Variants in WDR7 observed in about 807,000 individuals in gnomAD.
The protein encoded by WDR7 is WD repeat domain 7, also known as WD repeat-containing protein 7.
In WDR7, 46 loss-of-function variants were observed where a neutral mutation model predicts 169.4. The ratio of observed to expected loss-of-function variants is 0.27; its 90% CI spans 0.21 to 0.35. WDR7 has a LOEUF of 0.35. WDR7 is among the 10% of genes least tolerant of loss of function. The pLI is 1.00. For synonymous variants in WDR7, 612 were observed against 666.8 expected (o/e 0.92, Z 1.27); for missense variants, 1,534 against 1,859.3 (o/e 0.83, Z 3.22).
chr18:56,780,276 T>C (rs548341680), intron 18 of WDR7, among the ~76,000 whole-genome samples: 2 of 144,514 alleles, frequency 1.4e-5, no homozygotes, highest in South Asian at 4.2e-4. Flanking sequence ...ATTTTCCTTA[T>C]TATGGCATTC....
intron 4 of WDR7, 93 bp downstream of exon 4, chr18:56,681,484 A>G: frequency 1.3e-6 from 1 of 798,090 alleles, no homozygotes; most frequent in Non-Finnish European, 1.8e-6. Flanking sequence ...TTTTATATGA[A>G]AAATGGTGGG....
rs139831740 is a variant in WDR7 at position 56,689,657 on chromosome 18, G to A, written c.718-1559G>A. On this transcript the variant is annotated intron_variant, in intron 7 of 27. Transcript: ENST00000254442. ...TCCAATTTTATTTTTATGTCAGATG[G>A]ACCCCCCCAGTTCCTGATGCCATTT... Among the ~76,000 whole-genome samples the A allele has an allele frequency of 1.1e-3, 173 of 152,204 alleles. 1 individual carries two copies. Among genetic ancestry groups the A allele is most frequent in the African/African-American group, 4.0e-3 (167 of 41,542 alleles).
intron 20 of WDR7, among the ~76,000 whole-genome samples, chr18:56,838,488 A>G (rs2045430044): frequency 2.0e-5 from 3 of 152,206 alleles, no homozygotes; most frequent in Admixed American, 1.3e-4. Flanking sequence ...CTAAATTTCT[A>G]CTTCTAAATT....
chr18:56,918,607 A>G (rs1036615147), intron 21 of WDR7, among the ~76,000 whole-genome samples: 1 of 149,960 alleles, frequency 6.7e-6, no homozygotes, highest in African/African-American at 2.5e-5. Context: ...CGAAATAGTA[A>G]GACCATACCG....
intron 19 of WDR7, among the ~76,000 whole-genome samples, chr18:56,804,319 T>G (rs961196244): frequency 6.6e-6 from 1 of 152,206 alleles, no homozygotes; most frequent in Non-Finnish European, 1.5e-5. Context: ...CCCAAAAGAT[T>G]AGAATCCTTA....
At chr18:56,927,384 A>T (rs932185300) in intron 22 of WDR7, among the ~76,000 whole-genome samples, 2 of 152,108 alleles carry the variant, frequency 1.3e-5, no homozygotes, top group African/African-American at 4.8e-5. Flanking sequence ...AGGTGAGAGG[A>T]TCGCTTGAGC....
chr18:56,938,823 G>GTGTGTA (rs1422335276), intron 24 of WDR7, 141 bp downstream of exon 24: 3 of 871,030 alleles, frequency 3.4e-6, no homozygotes, highest in East Asian at 3.0e-5. Flanking sequence ...GTGTGTGTGT[G>GTGTGTA]TGTGTGTGTG....
intron 26 of WDR7, among the ~76,000 whole-genome samples, chr18:56,963,244 C>G (rs2145776778): frequency 6.6e-6 from 1 of 152,214 alleles, no homozygotes; most frequent in South Asian, 2.1e-4. Context: ...GGGTTAGGCT[C>G]CACCATGATC....
intron 14 of WDR7, among the ~76,000 whole-genome samples, chr18:56,739,530 G>T (rs2043580704): frequency 6.6e-6 from 1 of 151,894 alleles, no homozygotes; most frequent in Non-Finnish European, 1.5e-5. Context: ...TTTAAACTCT[G>T]TTCTTTTTGT....
intron 14 of WDR7, among the ~76,000 whole-genome samples, chr18:56,738,499 A>G (rs1362129259): frequency 1.3e-5 from 2 of 152,170 alleles, no homozygotes; most frequent in Non-Finnish European, 2.9e-5. Flanking sequence ...TTGAGGCTGC[A>G]TTGAGCTGAG....
chr18:56,946,341 C>T (rs540517007), intron 25 of WDR7, among the ~76,000 whole-genome samples: 6 of 152,332 alleles, frequency 3.9e-5, no homozygotes, highest in African/African-American at 1.4e-4. Context: ...ATGTTGATGT[C>T]ACTCAGTACA....
chr18:57,020,192 G>A (rs1235262893), intron 26 of WDR7, among the ~76,000 whole-genome samples: 1 of 152,192 alleles, frequency 6.6e-6, no homozygotes, highest in African/African-American at 2.4e-5. Context: ...CCACATGTGT[G>A]TGGATGTATA....
chr18:56,855,783 C>T lies in WDR7; in HGVS notation c.3305-24161C>T, dbSNP rs372971768. On this transcript the variant is annotated intron_variant, in intron 20 of 27. Coordinates refer to ENST00000254442, the MANE Select transcript of WDR7 (RefSeq NM_015285.3). ...CAGAAGTGTCTTGGTTATTCTTGGC[C>T]CTTTGTTGTTCTCTAATACATTTTG... Among the ~76,000 whole-genome samples, 8 of 152,052 alleles carry T rather than the reference C, an allele frequency of 5.3e-5. No homozygotes were observed. The South Asian group carries it at 1.7e-3, about 32-fold the overall frequency.
chr18:56,961,961 CATAA>C (rs1395584838), intron 25 of WDR7, among the ~76,000 whole-genome samples: 2 of 151,996 alleles, frequency 1.3e-5, no homozygotes, highest in Non-Finnish European at 2.9e-5. Flanking sequence ...CAGAAACAAT[CATAA>C]ATAGAGTAAA....
chr18:56,916,941 T>C lies in WDR7; in HGVS notation c.3527-6981T>C, dbSNP rs562315220. On this transcript the variant is annotated intron_variant, in intron 21 of 27. Transcript: ENST00000254442. ...AGCCGGGCGTGGTGGCTCACGCCTG[T>C]AATCCCAGTACTTTGGGAGGCCGAG... Among the ~76,000 whole-genome samples the C allele has an allele frequency of 2.0e-5, 3 of 152,222 alleles. No homozygotes were observed. In the South Asian group the frequency reaches 6.2e-4, roughly 32 times the overall value.
At chr18:56,829,263 A>T (rs1468689142) in intron 20 of WDR7, among the ~76,000 whole-genome samples, 1 of 151,892 alleles carries the variant, frequency 6.6e-6, no homozygotes, top group Non-Finnish European at 1.5e-5. Context: ...CTGTAAAAAA[A>T]AAAAATAATA....
At chr18:56,900,110 A>ATATATATATATATATATAT (rs1568256012) in intron 21 of WDR7, among the ~76,000 whole-genome samples, 14 of 147,784 alleles carry the variant, frequency 9.5e-5, no homozygotes, top group East Asian at 4.0e-4. Flanking sequence ...ATATATATAT[A>ATATATATATATATATATAT]AAATTGTTAA....
chr18:56,855,797 T>A (rs928028672), intron 20 of WDR7, among the ~76,000 whole-genome samples: 3 of 152,206 alleles, frequency 2.0e-5, no homozygotes, highest in East Asian at 1.9e-4. Flanking sequence ...TGTTGTTCTC[T>A]AATACATTTT....
At chr18:56,701,961 A>T (rs2025843607) in intron 12 of WDR7, among the ~76,000 whole-genome samples, 1 of 152,218 alleles carries the variant, frequency 6.6e-6, no homozygotes, top group Non-Finnish European at 1.5e-5. Context: ...TACAAAATTT[A>T]CACAACACAG....
Sources: gnomAD v4.1 joint callset for allele counts (sites outside exome capture counted in the v4.1 genomes callset) on GRCh38, gnomAD v4.1.1 for gene constraint, MANE v1.5 for transcripts, NCBI Gene and HGNC (gene_info 2026-07-23, HGNC 2026-07-21) for gene names.